The following IGSF11 variants were observed in gnomAD, a reference collection of about 807,000 sequenced individuals.
The protein encoded by IGSF11 is immunoglobulin superfamily member 11.
In IGSF11, 22 loss-of-function variants were observed where a neutral mutation model predicts 41.0. That is an observed-to-expected ratio of 0.54 (90% confidence interval 0.38 to 0.77). IGSF11 has a LOEUF of 0.77. Among genes scored for constraint, IGSF11 ranks in the 30% least tolerant of loss-of-function variants. The pLI is 0.00. For missense variants in IGSF11, 444 were observed against 530.8 expected (o/e 0.84, Z 1.61); for synonymous variants, 219 against 201.3 (o/e 1.09, Z -0.74).
intron 1 of IGSF11, among the ~76,000 whole-genome samples, chr3:119,017,523 A>AC (rs1380070281): frequency 1.3e-5 from 2 of 152,146 alleles, no homozygotes; most frequent in African/African-American, 2.4e-5. Flanking sequence ...CTGTAACTGT[A>AC]TTTTCCTCTT....
At chr3:119,008,505 T>G (rs1359807774) in intron 1 of IGSF11, among the ~76,000 whole-genome samples, 3 of 152,142 alleles carry the variant, frequency 2.0e-5, no homozygotes, top group Admixed American at 1.3e-4. Context: ...AGAAAGAGAA[T>G]CAGGGAAACA....
intron 1 of IGSF11, among the ~76,000 whole-genome samples, chr3:119,008,853 G>C (rs1365643740): frequency 2.6e-5 from 4 of 152,144 alleles, no homozygotes; most frequent in African/African-American, 4.8e-5. Flanking sequence ...CATCCAATCA[G>C]GTGAAAGCCT....
At chr3:119,106,519 T>C (rs2077028121), upstream of IGSF11, among the ~76,000 whole-genome samples, 1 of 152,208 alleles carries the variant, frequency 6.6e-6, no homozygotes, top group Non-Finnish European at 1.5e-5. Flanking sequence ...ATCCATGTTG[T>C]CAAAAATAAC....
chr3:119,069,052 G>A (rs1054514503), intron 1 of IGSF11, among the ~76,000 whole-genome samples: 10 of 148,842 alleles, frequency 6.7e-5, no homozygotes, highest in South Asian at 4.3e-4. Context: ...TCAGCCTCCC[G>A]AGTAGCTGGG....
intron 1 of IGSF11, among the ~76,000 whole-genome samples, chr3:119,004,794 G>T (rs1472714825): frequency 1.3e-5 from 2 of 151,280 alleles, no homozygotes; most frequent in Non-Finnish European, 2.9e-5. Context: ...TCTTAATCCT[G>T]AGTTCTAGTT....
intron 1 of IGSF11, among the ~76,000 whole-genome samples, chr3:118,987,207 G>T (rs1044153489): frequency 4.6e-5 from 7 of 152,182 alleles, no homozygotes; most frequent in African/African-American, 1.7e-4. Flanking sequence ...TCAGCTCTGC[G>T]AATGGAATGC....
At chr3:119,065,468 T>C (rs1942194939) in intron 1 of IGSF11, among the ~76,000 whole-genome samples, 1 of 152,124 alleles carries the variant, frequency 6.6e-6, no homozygotes, top group Non-Finnish European at 1.5e-5. Context: ...TTGTCAGTTT[T>C]TAGAATCAAA....
Position 118,995,913 on chromosome 3 carries a change from G to A in IGSF11, c.52+38618C>T, listed in dbSNP as rs561929278. Among the ~76,000 whole-genome samples, 77 of 152,242 alleles carry A rather than the reference G, an allele frequency of 5.1e-4. 1 individual carries two copies. Among genetic ancestry groups the A allele is most frequent in the African/African-American group, 1.8e-3 (74 of 41,530 alleles). On this transcript the variant is annotated intron_variant, in intron 1 of 6. Coordinates refer to ENST00000393775, the MANE Select transcript of IGSF11 (RefSeq NM_001015887.3). ...TCCGCCCGCCTCGGCCTCCCAAAGC[G>A]CTGGGATGACAGGCGTGAGCCACTG...
intron 1 of IGSF11, among the ~76,000 whole-genome samples, chr3:119,117,079 A>G (rs2077266105): frequency 6.6e-6 from 1 of 152,112 alleles, no homozygotes. Flanking sequence ...TAACATGTCC[A>G]GCTCATGTCT....
chr3:119,012,148 CACA>C (rs1437687256), intron 1 of IGSF11, among the ~76,000 whole-genome samples: 1 of 152,106 alleles, frequency 6.6e-6, no homozygotes, highest in Non-Finnish European at 1.5e-5. Flanking sequence ...AAAAGTGAGA[CACA>C]GGCAACTCAA....
Position 118,901,396 on chromosome 3 carries a change from T to C in IGSF11, c.*1124A>G, listed in dbSNP as rs1271035535. ...CACCTTTAGTCTCAGTCTTACCTCT[T>C]TTGCAAAAAGCATTATTTTGAAAAA... On this transcript the variant is annotated 3_prime_UTR_variant, in exon 7 of 7. Coordinates refer to ENST00000393775, the MANE Select transcript of IGSF11 (RefSeq NM_001015887.3). 1 of 152,100 alleles carries C rather than the reference T, an allele frequency of 6.6e-6. No homozygotes were observed. The highest frequency in any genetic ancestry group is 1.5e-5 in the Non-Finnish European group (1 of 68,022). The allele number at this position is 152,100 out of a possible 1,614,324, so 9.4% of individuals were successfully genotyped here.
At chr3:119,018,564 TA>T (rs1425766763) in intron 1 of IGSF11, among the ~76,000 whole-genome samples, 1 of 152,248 alleles carries the variant, frequency 6.6e-6, no homozygotes, top group African/African-American at 2.4e-5. Flanking sequence ...TTATCTTACT[TA>T]ATATTCCAGG....
intron 1 of IGSF11, among the ~76,000 whole-genome samples, chr3:118,966,529 C>T (rs1945686362): frequency 6.6e-6 from 1 of 152,132 alleles, no homozygotes; most frequent in Admixed American, 6.6e-5. Context: ...TTCTGATTTG[C>T]ATTTCCCTTC....
chr3:118,965,494 C>A (rs765992680), intron 1 of IGSF11, among the ~76,000 whole-genome samples: 4 of 149,872 alleles, frequency 2.7e-5, no homozygotes, highest in Non-Finnish European at 4.4e-5. Flanking sequence ...GAAAATGAAT[C>A]AATGTTAGTA....
At chr3:119,094,763 C>T (rs2076822692) in intron 1 of IGSF11, among the ~76,000 whole-genome samples, 1 of 151,656 alleles carries the variant, frequency 6.6e-6, no homozygotes, top group African/African-American at 2.4e-5. Context: ...CCTCCGCCTC[C>T]CAGGTTCAAG....
chr3:119,130,287 G>C (rs2077463804), intron 1 of IGSF11, among the ~76,000 whole-genome samples: 1 of 152,214 alleles, frequency 6.6e-6, no homozygotes, highest in African/African-American at 2.4e-5. Flanking sequence ...AGGGTTGGGA[G>C]ATTTCCCTTT....
At chr3:119,070,771 TTCTCTCCATG>T (rs2076387474) in intron 1 of IGSF11, among the ~76,000 whole-genome samples, 1 of 152,170 alleles carries the variant, frequency 6.6e-6, no homozygotes, top group African/African-American at 2.4e-5. Flanking sequence ...GCTGTGCCAT[TTCTCTCCATG>T]TCTATACTGG....
At chr3:119,034,871 G>A (rs1201190523), upstream of IGSF11, 102 of 1,192,104 alleles carry the variant, frequency 8.6e-5, no homozygotes, top group Middle Eastern at 3.2e-4. Flanking sequence ...GCAGTCCGGG[G>A]AGCCACTCCC....
chr3:119,003,707 T>A (rs1937153867), intron 1 of IGSF11, among the ~76,000 whole-genome samples: 1 of 151,956 alleles, frequency 6.6e-6, no homozygotes, highest in Non-Finnish European at 1.5e-5. Flanking sequence ...TTTTTCTGCA[T>A]CTATTGAGAT....
Sources: allele counts gnomAD v4.1 joint callset (sites outside exome capture counted in the v4.1 genomes callset), GRCh38; gene constraint gnomAD v4.1.1; transcripts MANE v1.5; gene names NCBI Gene and HGNC (gene_info 2026-07-23, HGNC 2026-07-21).